ARHGAP24: variants seen among roughly 807,000 people sequenced by gnomAD.
The protein encoded by ARHGAP24 is Rho GTPase activating protein 24.
Under a neutral mutation model 76.4 loss-of-function variants are expected in ARHGAP24, and 50 were observed. The observed-to-expected ratio is 0.65, with a 90% CI of 0.52 to 0.83. ARHGAP24 has a LOEUF of 0.83. Among genes scored for constraint, ARHGAP24 ranks in the 40% least tolerant of loss-of-function variants. ARHGAP24 has a pLI of 0.00. For missense variants in ARHGAP24, 930 were observed against 914.2 expected (o/e 1.02, Z -0.22); for synonymous variants, 345 against 323.3 (o/e 1.07, Z -0.72).
chr4:85,986,986 T>C (rs1740044786), intron 8 of ARHGAP24, among the ~76,000 whole-genome samples: 1 of 152,098 alleles, frequency 6.6e-6, no homozygotes, highest in Admixed American at 6.6e-5. Context: ...AAGGAATTTT[T>C]AGGGCAGTGA....
chr4:85,608,822 AGT>A (rs1720292647), intron 2 of ARHGAP24, among the ~76,000 whole-genome samples: 1 of 151,876 alleles, frequency 6.6e-6, no homozygotes, highest in African/African-American at 2.4e-5. Flanking sequence ...AGCCTCCCAA[AGT>A]GTTGGGATTA....
intron 2 of ARHGAP24, among the ~76,000 whole-genome samples, chr4:85,657,940 A>C (rs1339596837): frequency 1.3e-5 from 2 of 152,120 alleles, no homozygotes. Context: ...TTTTTAGTGG[A>C]GATGAAGTTT....
intron 2 of ARHGAP24, among the ~76,000 whole-genome samples, chr4:85,617,093 AT>A (rs1205261866): frequency 6.8e-6 from 1 of 146,944 alleles, no homozygotes; most frequent in Non-Finnish European, 1.5e-5. Context: ...TATTATATAT[AT>A]TTATAAATAT....
chr4:85,698,641 C>G (rs1371003968), intron 2 of ARHGAP24, among the ~76,000 whole-genome samples: 2 of 152,180 alleles, frequency 1.3e-5, no homozygotes, highest in Non-Finnish European at 2.9e-5. Flanking sequence ...TCTCACAGTT[C>G]TGGAAGCTAA....
chr4:85,691,343 C>T (rs1222010713), intron 2 of ARHGAP24, among the ~76,000 whole-genome samples: 1 of 152,046 alleles, frequency 6.6e-6, no homozygotes, highest in Non-Finnish European at 1.5e-5. Context: ...GTGTAGTGTT[C>T]TGTAGATTTC....
intron 1 of ARHGAP24, among the ~76,000 whole-genome samples, chr4:85,492,112 C>T (rs1365899965): frequency 1.3e-5 from 2 of 151,068 alleles, no homozygotes; most frequent in East Asian, 3.9e-4. Context: ...CCCTTCCTTC[C>T]TTCTTCTGTT....
At position 85,535,689 on chromosome 4, in the gene ARHGAP24, C is replaced by A. The variant is rs113154560; in HGVS notation, c.-20-34833C>A. 9.7e-3 allele frequency among the ~76,000 whole-genome samples: 1,475 copies of A among 152,196 alleles called. 13 individuals carry two copies. Among genetic ancestry groups the A allele is most frequent in the East Asian group, 0.019 (97 of 5,180 alleles). On this transcript the variant is annotated intron_variant, in intron 1 of 9. Transcript: ENST00000395184. ...CTTCTGCACTCTAACAAAGAGACTA[C>A]GGTGGAGTTTATAGAAGCTTCTACA...
At chr4:85,823,345 A>T (rs979100190) in intron 3 of ARHGAP24, among the ~76,000 whole-genome samples, 3 of 152,208 alleles carry the variant, frequency 2.0e-5, no homozygotes, top group Non-Finnish European at 2.9e-5. Flanking sequence ...AAAATATCTT[A>T]TGAAAATCCT....
chr4:85,649,035 GTT>G (rs1491274380), intron 2 of ARHGAP24, among the ~76,000 whole-genome samples: 3 of 145,118 alleles, frequency 2.1e-5, no homozygotes, highest in Middle Eastern at 3.5e-3. Flanking sequence ...GTGTGTGTGT[GTT>G]TGTGTGTGTG....
intron 2 of ARHGAP24, among the ~76,000 whole-genome samples, chr4:85,704,840 A>G (rs1007866506): frequency 5.3e-5 from 8 of 152,156 alleles, no homozygotes; most frequent in Non-Finnish European, 8.8e-5. Flanking sequence ...TTTTGAATGT[A>G]TAAGCAACCA....
Position 85,994,831 on chromosome 4 carries a change from A to G in ARHGAP24, c.1177A>G (p.Thr393Ala). 1.2e-6 allele frequency: 2 copies of G among 1,614,166 alleles called. No homozygotes were observed. The highest frequency in any genetic ancestry group is 8.5e-7 in the Non-Finnish European group (1 of 1,180,022). Residue 393 changes from threonine to alanine, a missense_variant, in exon 9 of 10, where the codon ACA (threonine) becomes GCA (alanine). Coordinates refer to ENST00000395184, the MANE Select transcript of ARHGAP24 (RefSeq NM_001025616.3). ...QRSSMNNGSP[T>A]ALSGSKTNSP... ...AAGCAGCATGAACAATGGATCCCCC[A>G]CAGCTCTATCAGGCAGCAAAACCAA...
intron 8 of ARHGAP24, among the ~76,000 whole-genome samples, chr4:85,979,107 C>T (rs751926732): frequency 1.3e-5 from 2 of 152,060 alleles, no homozygotes; most frequent in African/African-American, 2.4e-5. Flanking sequence ...TATTTCTCTG[C>T]CCTCTGCATT....
intron 2 of ARHGAP24, among the ~76,000 whole-genome samples, chr4:85,620,743 T>C (rs1720690181): frequency 6.6e-6 from 1 of 151,918 alleles, no homozygotes; most frequent in Non-Finnish European, 1.5e-5. Flanking sequence ...AATCTTAGGT[T>C]ACTTATTTGA....
In ARHGAP24 at chr4:85,758,574, C is replaced by T. The variant is rs114689752; in HGVS notation, c.268+36602C>T. ...GGAAATTTGGGCAAGAGGTTGTAAG[C>T]ATCATGTTTTGCAGTTTTATGCTTT... On this transcript the variant is annotated intron_variant, in intron 3 of 9. Coordinates refer to ENST00000395184, the MANE Select transcript of ARHGAP24 (RefSeq NM_001025616.3). Among the ~76,000 whole-genome samples, 1,247 of 152,280 alleles carry T rather than the reference C, an allele frequency of 8.2e-3. 14 individuals carry two copies. The highest frequency in any genetic ancestry group is 0.028 in the African/African-American group (1,158 of 41,544).
At chr4:85,941,354 A>G (rs984266472) in intron 4 of ARHGAP24, among the ~76,000 whole-genome samples, 2 of 152,122 alleles carry the variant, frequency 1.3e-5, no homozygotes, top group African/African-American at 2.4e-5. Flanking sequence ...CCTTCTTTTT[A>G]TTGCCACCCT....
At chr4:85,612,792 C>CTTCTTT (rs1720436536) in intron 2 of ARHGAP24, among the ~76,000 whole-genome samples, 1 of 82,774 alleles carries the variant, frequency 1.2e-5, no homozygotes, top group African/African-American at 4.7e-5. Context: ...CTTTCCATTC[C>CTTCTTT]TTTTTTTTTT....
chr4:85,721,102 T>C (rs1406967220), intron 2 of ARHGAP24, among the ~76,000 whole-genome samples: 3 of 152,074 alleles, frequency 2.0e-5, no homozygotes, highest in Non-Finnish European at 4.4e-5. Flanking sequence ...AATTTAAAGA[T>C]AGAGAAAGGA....
chr4:85,880,519 TTGTGTGTG>T (rs58530817), intron 3 of ARHGAP24, among the ~76,000 whole-genome samples: 29,395 of 150,484 alleles, frequency 0.2, 3,879 homozygotes, highest in South Asian at 0.36. Context: ...TGCATAACTT[TTGTGTGTG>T]TGTGTGTGTG....
chr4:85,979,387 A>G (rs1739518282), intron 8 of ARHGAP24, among the ~76,000 whole-genome samples: 1 of 152,174 alleles, frequency 6.6e-6, no homozygotes, highest in Non-Finnish European at 1.5e-5. Flanking sequence ...AGTAGCATTC[A>G]GTACTTTCAC....
Sources: allele counts gnomAD v4.1 joint callset (sites outside exome capture counted in the v4.1 genomes callset), GRCh38; gene constraint gnomAD v4.1.1; transcripts MANE v1.5; gene names NCBI Gene and HGNC (gene_info 2026-07-23, HGNC 2026-07-21).